Variants in HUWE1 observed in about 807,000 individuals in gnomAD.
HUWE1 encodes the protein HECT, UBA and WWE domain containing E3 ubiquitin protein ligase 1, also known as E3 ubiquitin-protein ligase HUWE1.
In HUWE1, 18 loss-of-function variants were observed where a neutral mutation model predicts 299.4. The ratio of observed to expected loss-of-function variants is 0.06; its 90% CI spans 0.04 to 0.09. The LOEUF (loss-of-function observed/expected upper bound fraction) is 0.09. Among genes scored for constraint, HUWE1 ranks in the 10% least tolerant of loss-of-function variants. The probability of loss-of-function intolerance (pLI) is 1.00; values close to 1 mark genes in which losing one functional copy is unlikely to be tolerated. For missense variants in HUWE1, 1,832 were observed against 3,462.3 expected, an observed-to-expected ratio of 0.53 and a Z score of 11.82; for synonymous variants, 1,317 against 1,286.1, an observed-to-expected ratio of 1.02 and a Z score of -0.51.
Position 53,533,295 on chromosome X carries a change from T to C in HUWE1, c.*14A>G. 1.8e-6 allele frequency: 2 copies of C among 1,129,126 alleles called. No individual in the cohort carries two copies. The highest frequency in any genetic ancestry group is 1.2e-6 in the Non-Finnish European group (1 of 822,273). The allele number at this position is 1,129,126 out of a possible 1,213,427, so 93.1% of individuals were successfully genotyped here. ...AATGGTAAAAAAAACCCCACGGAGT[T>C]GGGCAGGGCCTTATTAGGCCAGCCC... is the stretch of plus-strand genomic sequence containing the variant. On this transcript the variant is annotated 3_prime_UTR_variant, in exon 84 of 84. Transcript: ENST00000262854.
At chrX:53,645,736 A>AAAATAT (rs2067967606) in intron 6 of HUWE1, among the ~76,000 whole-genome samples, 1 of 26,132 alleles carries the variant, frequency 3.8e-5, no homozygotes, top group African/African-American at 1.5e-4. Context: ...AAAAAAAAAA[A>AAAATAT]ATATATATAT....
intron 43 of HUWE1, among the ~76,000 whole-genome samples, chrX:53,577,321 CAACA>C: frequency 9.1e-6 from 1 of 110,168 alleles, no homozygotes; most frequent in Non-Finnish European, 1.9e-5. Flanking sequence ...GTTGTTAATT[CAACA>C]AACCTCAATT....
chrX:53,534,321 G>A (rs1474151863), intron 82 of HUWE1, 124 bp from the exon 83 acceptor site: 1 of 711,157 alleles, frequency 1.4e-6, no homozygotes, highest in African/African-American at 2.1e-5. Flanking sequence ...TGTGGGATGA[G>A]CTTTAGCTCC....
intron 44 of HUWE1, 76 bp downstream of exon 44, chrX:53,576,824 T>C: frequency 9.6e-7 from 1 of 1,041,346 alleles, no homozygotes; most frequent in Admixed American, 2.2e-5. Context: ...CACTAAGCCA[T>C]GAGTTGGCTG....
intron 6 of HUWE1, among the ~76,000 whole-genome samples, chrX:53,645,973 G>A (rs782698024): frequency 5.5e-5 from 6 of 109,353 alleles, no homozygotes; most frequent in South Asian, 4.0e-4. Context: ...TAAAAGTATT[G>A]TGAAAGAAAG....
intron 4 of HUWE1, among the ~76,000 whole-genome samples, chrX:53,651,756 C>T (rs781983154): frequency 2.7e-5 from 3 of 111,448 alleles, no homozygotes; most frequent in South Asian, 7.6e-4. Context: ...ACGAACTTGC[C>T]TGGTATAATT....
chrX:53,615,642 C>T, intron 22 of HUWE1, 102 bp downstream of exon 22: 1 of 590,500 alleles, frequency 1.7e-6, no homozygotes. Flanking sequence ...GCTCTTACAG[C>T]TATAGCCCAA....
chrX:53,538,759 C>G, intron 76 of HUWE1, 76 bp downstream of exon 76: 1 of 865,783 alleles, frequency 1.2e-6, no homozygotes, highest in Non-Finnish European at 1.6e-6. Flanking sequence ...CTCTCATCAA[C>G]TAAGGATTAA....
chrX:53,542,331 G>T, intron 74 of HUWE1, 112 bp downstream of exon 74: 1 of 579,054 alleles, frequency 1.7e-6, no homozygotes, highest in Non-Finnish European at 3.0e-6. Context: ...GGGTTTACTG[G>T]AACAAATGGG....
In HUWE1 at chrX:53,536,674, A is replaced by C. The variant is rs2061075071; in HGVS notation, c.12138-7T>G. On this transcript the variant is annotated splice_region_variant and splice_polypyrimidine_tract_variant and intron_variant, in intron 78 of 83. Coordinates refer to ENST00000262854, the MANE Select transcript of HUWE1 (RefSeq NM_031407.7). The stretch of plus-strand genomic sequence containing the variant: ...TCCTTCAAATACTATATACCTGCAT[A>C]AGAAAGCAGAAGCAGAAAAGAGCTG... 8.3e-7 allele frequency: 1 copy of C among 1,202,463 alleles called. No individual in the cohort carries two copies. Among genetic ancestry groups the C allele is most frequent in the African/African-American group, 1.8e-5 (1 of 57,093 alleles).
intron 19 of HUWE1, among the ~76,000 whole-genome samples, chrX:53,619,446 A>G (rs1375486575): frequency 9.0e-6 from 1 of 110,761 alleles, no homozygotes; most frequent in African/African-American, 3.3e-5. Flanking sequence ...CCCCTATACA[A>G]AAACACTGAT....
At chrX:53,665,277 G>T in intron 3 of HUWE1, among the ~76,000 whole-genome samples, 1 of 111,973 alleles carries the variant, frequency 8.9e-6, no homozygotes, top group Non-Finnish European at 1.9e-5. Flanking sequence ...TAAAGCAACT[G>T]AAAAATAGCC....
chrX:53,665,701 C>T (rs11798828), intron 3 of HUWE1, among the ~76,000 whole-genome samples: 1 of 112,510 alleles, frequency 8.9e-6, no homozygotes, highest in African/African-American at 3.2e-5. Flanking sequence ...TGACAGCATG[C>T]TAAGGAGCCC....
intron 7 of HUWE1, among the ~76,000 whole-genome samples, chrX:53,638,830 T>G (rs1164814295): frequency 8.9e-6 from 1 of 112,200 alleles, no homozygotes; most frequent in East Asian, 2.8e-4. Flanking sequence ...GCCAGCCAAC[T>G]GGCTTTCAAC....
chrX:53,658,417 AAGG>A (rs781937906), intron 3 of HUWE1, among the ~76,000 whole-genome samples: 50 of 111,944 alleles, frequency 4.5e-4, no homozygotes, highest in African/African-American at 1.5e-3. Context: ...CACAATATCA[AAGG>A]AGAAGAACAA....
intron 3 of HUWE1, among the ~76,000 whole-genome samples, chrX:53,658,808 A>G (rs1471214371): frequency 1.8e-5 from 2 of 112,749 alleles, no homozygotes; most frequent in Non-Finnish European, 3.7e-5. Context: ...AAATATTTGC[A>G]AAAGACATAC....
chrX:53,543,991 G>A (rs782757117), intron 72 of HUWE1, 23 bp from the exon 73 acceptor site: 10 of 1,155,973 alleles, frequency 8.7e-6, no homozygotes, highest in Non-Finnish European at 1.2e-5. Flanking sequence ...GAAAGAGGAA[G>A]GCAAGATATA....
chrX:53,666,147 CGA>C (rs1569514088), intron 3 of HUWE1, among the ~76,000 whole-genome samples: 1 of 111,516 alleles, frequency 9.0e-6, no homozygotes, highest in African/African-American at 3.3e-5. Flanking sequence ...TTACTTCACC[CGA>C]GACTTATTTT....
At position 53,538,711 on chromosome X, in the gene HUWE1, C is replaced by CAA. The variant is rs1556915380; in HGVS notation, c.11878+123_11878+124insTT. 1.1e-5 allele frequency: 7 copies of CAA among 632,468 alleles called. No individual in the cohort carries two copies. In the African/African-American group the frequency reaches 1.7e-4, roughly 16 times the overall value. The allele number at this position is 632,468 out of a possible 1,213,427, so 52.1% of individuals were successfully genotyped here. On this transcript the variant is annotated intron_variant, in intron 76 of 83. Coordinates refer to ENST00000262854, the MANE Select transcript of HUWE1 (RefSeq NM_031407.7). ...GTGTGTGTATGTACACACACACACA[C>CAA]ACACACACACACACTCTCTCTCTCT...
Sources: allele counts gnomAD v4.1 joint callset (sites outside exome capture counted in the v4.1 genomes callset), GRCh38; gene constraint gnomAD v4.1.1; transcripts MANE v1.5; gene names NCBI Gene and HGNC (gene_info 2026-07-23, HGNC 2026-07-21).